Variants in ACTR3 observed in about 807,000 individuals in gnomAD.
ACTR3 encodes actin-related protein 3.
ACTR3 carries 12 observed loss-of-function variants against 56.8 expected under a neutral mutation model. The ratio of observed to expected loss-of-function variants is 0.21; its 90% confidence interval spans 0.14 to 0.34. The LOEUF (loss-of-function observed/expected upper bound fraction) is 0.34. ACTR3 is among the 10% of genes least tolerant of loss of function. The pLI, the probability that ACTR3 is intolerant of heterozygous loss-of-function variation, is 1.00. For missense variants in ACTR3, 282 were observed against 512.5 expected, an observed-to-expected ratio of 0.55 and a Z score of 4.34; for synonymous variants, 162 against 167.4, an observed-to-expected ratio of 0.97 and a Z score of 0.25.
At chr2:113,939,289 T>C (rs1430743916) in intron 6 of ACTR3, among the ~76,000 whole-genome samples, 1 of 152,194 alleles carries the variant, frequency 6.6e-6, no homozygotes. Flanking sequence ...CCCAAAGTGC[T>C]GGGATTACAG....
rs564897554 is a variant in ACTR3 at position 113,894,356 on chromosome 2, G to A, written c.44+4033G>A. Among the ~76,000 whole-genome samples the A allele has an allele frequency of 2.6e-5, 4 of 152,282 alleles. No individual in the cohort carries two copies. The East Asian group carries it at 7.7e-4, about 29-fold the overall frequency. On this transcript the variant is annotated intron_variant, in intron 1 of 11. Coordinates refer to ENST00000263238, the MANE Select transcript of ACTR3 (RefSeq NM_005721.5). ...GATCCACCCACCTCATCCTCCCAGA[G>A]TGCTGGGATTACAGACATGAGCCAC...
At chr2:113,952,883 C>T (rs148994886) in intron 10 of ACTR3, 1 of 152,274 alleles carries the variant, frequency 6.6e-6, no homozygotes, top group Admixed American at 6.5e-5. Flanking sequence ...TTTGCCCATC[C>T]GTCTACTCCC....
At chr2:113,945,761 G>T (rs917505609) in intron 8 of ACTR3, among the ~76,000 whole-genome samples, 1 of 151,984 alleles carries the variant, frequency 6.6e-6, no homozygotes, top group Middle Eastern at 3.4e-3. Flanking sequence ...TCTAGTATCC[G>T]TTAGCTATGT....
In ACTR3 at chr2:113,956,536, AAAGT is replaced by A. The variant is rs537696756; in HGVS notation, c.1162-823_1162-820del. ...TTAAGTATTTAAAAACATTAAGGTA[AAAGT>A]TAAGCTTCATTGCATAGAAAGTATG... is the stretch of plus-strand genomic sequence containing the variant. On this transcript the variant is annotated intron_variant, in intron 11 of 11. Coordinates refer to ENST00000263238, the MANE Select transcript of ACTR3 (RefSeq NM_005721.5). Among the ~76,000 whole-genome samples the A allele has an allele frequency of 2.6e-3, 394 of 152,264 alleles. 1 individual carries two copies. The highest frequency in any genetic ancestry group is 5.4e-3 in the Admixed American group (82 of 15,292).
intron 3 of ACTR3, among the ~76,000 whole-genome samples, chr2:113,923,876 C>T (rs1215614823): frequency 6.6e-6 from 1 of 152,056 alleles, no homozygotes; most frequent in Non-Finnish European, 1.5e-5. Flanking sequence ...ACTACATCTT[C>T]ACCTACCTAT....
At chr2:113,941,496 G>A (rs1463122355) in intron 7 of ACTR3, among the ~76,000 whole-genome samples, 1 of 151,906 alleles carries the variant, frequency 6.6e-6, no homozygotes, top group Non-Finnish European at 1.5e-5. Flanking sequence ...GGTAATATTT[G>A]CATCTATCTT....
At chr2:113,929,899 G>A (rs1679687713) in intron 4 of ACTR3, among the ~76,000 whole-genome samples, 1 of 152,040 alleles carries the variant, frequency 6.6e-6, no homozygotes. Context: ...GGCTGGTCTT[G>A]AACTTCTAGT....
intron 1 of ACTR3, among the ~76,000 whole-genome samples, chr2:113,911,777 C>T (rs1363255805): frequency 6.6e-6 from 1 of 152,108 alleles, no homozygotes; most frequent in African/African-American, 2.4e-5. Flanking sequence ...CACTCTGTCT[C>T]CCAGGCTGGA....
At chr2:113,902,049 G>C (rs1226594115) in intron 1 of ACTR3, among the ~76,000 whole-genome samples, 3 of 152,158 alleles carry the variant, frequency 2.0e-5, no homozygotes, top group Non-Finnish European at 4.4e-5. Flanking sequence ...GCATTTGTTA[G>C]AATTATGACC....
chr2:113,918,651 C>T (rs1345746557), intron 3 of ACTR3, among the ~76,000 whole-genome samples: 2 of 152,088 alleles, frequency 1.3e-5, no homozygotes, highest in Non-Finnish European at 2.9e-5. Flanking sequence ...TGCCAAAGTG[C>T]TGGGGTTATA....
At chr2:113,942,996 C>T (rs918587490) in intron 8 of ACTR3, among the ~76,000 whole-genome samples, 3 of 152,108 alleles carry the variant, frequency 2.0e-5, no homozygotes, top group Non-Finnish European at 4.4e-5. Flanking sequence ...ATTCACTCAG[C>T]AAATGTTAAA....
chr2:113,942,633 A>G (rs964773192), intron 8 of ACTR3, among the ~76,000 whole-genome samples: 2 of 150,108 alleles, frequency 1.3e-5, no homozygotes, highest in South Asian at 4.2e-4. Flanking sequence ...GAGCCCTTAA[A>G]TTTTTTTTTT....
chr2:113,914,002 C>G (rs1459970301), intron 2 of ACTR3, among the ~76,000 whole-genome samples: 3 of 152,098 alleles, frequency 2.0e-5, no homozygotes, highest in African/African-American at 7.2e-5. Context: ...AGTGACAAAC[C>G]TTTTGAGCCG....
At chr2:113,890,648 G>C in intron 1 of ACTR3, 1 of 1,247,600 alleles carries the variant, frequency 8.0e-7, no homozygotes, top group Non-Finnish European at 1.0e-6. Context: ...TCGTCTTGGG[G>C]GTGGTCCCCG....
intron 1 of ACTR3, chr2:113,904,499 G>T (rs1182786321): frequency 6.6e-6 from 1 of 152,054 alleles, no homozygotes; most frequent in South Asian, 2.1e-4. Flanking sequence ...TCGTTCTCTT[G>T]TTAAACATTT....
At chr2:113,926,182 G>A (rs1420768833) in intron 3 of ACTR3, among the ~76,000 whole-genome samples, 10 of 152,140 alleles carry the variant, frequency 6.6e-5, no homozygotes, top group African/African-American at 1.2e-4. Flanking sequence ...GTTTTATATC[G>A]ATGTTATTTT....
chr2:113,934,414 G>A, intron 6 of ACTR3, 28 bp downstream of exon 6: 1 of 1,365,636 alleles, frequency 7.3e-7, no homozygotes, highest in Non-Finnish European at 1.0e-6. Context: ...TTACTGAACA[G>A]AACATGAAAT....
intron 6 of ACTR3, among the ~76,000 whole-genome samples, chr2:113,936,321 A>AG (rs1679825468): frequency 6.7e-6 from 1 of 148,744 alleles, no homozygotes; most frequent in East Asian, 1.9e-4. Flanking sequence ...AAAAAAAAAA[A>AG]AAAGGTTGGT....
chr2:113,926,476 A>G (rs1254001844), intron 3 of ACTR3, among the ~76,000 whole-genome samples: 1 of 152,226 alleles, frequency 6.6e-6, no homozygotes, highest in Admixed American at 6.5e-5. Flanking sequence ...TAATTTATAA[A>G]GAAAAGAGGT....
Sources: gnomAD v4.1 joint callset for allele counts (sites outside exome capture counted in the v4.1 genomes callset) on GRCh38, gnomAD v4.1.1 for gene constraint, MANE v1.5 for transcripts, NCBI Gene and HGNC (gene_info 2026-07-23, HGNC 2026-07-21) for gene names.